Variants in SLC8A1 observed in about 807,000 individuals in gnomAD.
The protein encoded by SLC8A1 is solute carrier family 8 member A1, also known as sodium/calcium exchanger 1.
SLC8A1 carries 18 observed loss-of-function variants against 68.3 expected under a neutral mutation model. That is an observed-to-expected ratio of 0.26 (90% CI 0.18 to 0.39). The LOEUF (loss-of-function observed/expected upper bound fraction) is 0.39, where lower values mean the gene tolerates loss of function less well. SLC8A1 is among the 10% of genes least tolerant of loss of function. The pLI, the probability that SLC8A1 is intolerant of heterozygous loss-of-function variation, is 1.00. For synonymous variants in SLC8A1, 475 were observed against 415.5 expected, an observed-to-expected ratio of 1.14 and a Z score of -1.74; for missense variants, 985 against 1,156.7, an observed-to-expected ratio of 0.85 and a Z score of 2.15.
At chr2:40,170,192 A>G in intron 4 of SLC8A1, 89 bp downstream of exon 7, 1 of 1,125,466 alleles carries the variant, frequency 8.9e-7, no homozygotes, top group Non-Finnish European at 1.3e-6. Flanking sequence ...TTTACAGAGG[A>G]GAGGGGCTAA....
rs1192871539 is a variant in SLC8A1, at chr2:40,216,183, T to G, written c.1809-38328A>C. Among the ~76,000 whole-genome samples the G allele has an allele frequency of 6.6e-5, 10 of 152,178 alleles. No homozygotes were observed. In the East Asian group the frequency reaches 1.9e-3, roughly 29 times the overall value. On this transcript the variant is annotated intron_variant, in intron 2 of 7. Coordinates refer to ENST00000406785, the Ensembl canonical transcript of SLC8A1. ...ACCCACCCACCGACAGGCCCTGGTG[T>G]GTGGTGTTCCCCCTCCCTGTGTCCA...
chr2:40,259,298 A>G (rs1469020351), intron 2 of SLC8A1, among the ~76,000 whole-genome samples: 2 of 152,174 alleles, frequency 1.3e-5, no homozygotes, highest in Non-Finnish European at 2.9e-5. Context: ...AGACCTAAAC[A>G]TTTGAGTCTT....
At chr2:40,395,946 GT>G (rs1265396432) in intron 2 of SLC8A1, among the ~76,000 whole-genome samples, 2 of 151,932 alleles carry the variant, frequency 1.3e-5, no homozygotes, top group Non-Finnish European at 2.9e-5. Flanking sequence ...CCTTATAACT[GT>G]TCATACTGTT....
chr2:40,444,610 A>C (rs1046149319), intron 1 of SLC8A1, among the ~76,000 whole-genome samples: 5 of 152,342 alleles, frequency 3.3e-5, no homozygotes, highest in Non-Finnish European at 5.9e-5. Flanking sequence ...AACTATGGTT[A>C]ATGGGACATA....
chr2:40,475,460 C>G (rs1704234924), intron 1 of SLC8A1, among the ~76,000 whole-genome samples: 1 of 152,004 alleles, frequency 6.6e-6, no homozygotes, highest in Non-Finnish European at 1.5e-5. Context: ...ACCCAAAAAA[C>G]TTTTGCTTAT....
intron 1 of SLC8A1, among the ~76,000 whole-genome samples, chr2:40,503,084 G>A (rs778541137): frequency 1.3e-5 from 2 of 152,084 alleles, no homozygotes; most frequent in Middle Eastern, 3.4e-3. Context: ...TTCCATTTAT[G>A]AAAATTCCTT....
chr2:40,450,600 C>T (rs1226649274), intron 1 of SLC8A1, among the ~76,000 whole-genome samples: 1 of 152,164 alleles, frequency 6.6e-6, no homozygotes, highest in Non-Finnish European at 1.5e-5. Context: ...CTGTCTTCAC[C>T]ACATCTGTCA....
intron 2 of SLC8A1, among the ~76,000 whole-genome samples, chr2:40,280,829 C>G (rs941670093): frequency 2.6e-5 from 4 of 152,164 alleles, no homozygotes; most frequent in African/African-American, 4.8e-5. Context: ...CAAAGGTGCT[C>G]TAGGCAGGAA....
At chr2:40,193,469 G>T (rs1029628613) in intron 2 of SLC8A1, among the ~76,000 whole-genome samples, 3 of 152,076 alleles carry the variant, frequency 2.0e-5, no homozygotes, top group African/African-American at 7.2e-5. Flanking sequence ...TCTGTGCTGT[G>T]TGAGCACAGT....
At chr2:40,462,940 C>T (rs1463238351) in intron 1 of SLC8A1, among the ~76,000 whole-genome samples, 3 of 151,948 alleles carry the variant, frequency 2.0e-5, no homozygotes, top group Non-Finnish European at 4.4e-5. Flanking sequence ...TTCATTCACT[C>T]ATTTGTTTAT....
At chr2:40,279,348 T>C (rs1418024308) in intron 2 of SLC8A1, among the ~76,000 whole-genome samples, 5 of 152,218 alleles carry the variant, frequency 3.3e-5, no homozygotes, top group African/African-American at 1.2e-4. Context: ...ATACAGATTT[T>C]TGAAAGAAGC....
exon 8 of SLC8A1, chr2:40,105,512 A>G (rs535288390): frequency 2.6e-5 from 4 of 152,364 alleles, no homozygotes; most frequent in South Asian, 4.1e-4. Context: ...TACTAATGAC[A>G]TGACTTCTAG....
intron 2 of SLC8A1, among the ~76,000 whole-genome samples, chr2:40,253,018 T>TATGTATATACATATATATGTATCTGTAG (rs1558966653): frequency 3.2e-4 from 31 of 98,232 alleles, no homozygotes; most frequent in African/African-American, 9.2e-4. Flanking sequence ...TGTATCTGTA[T>TATGTATATACATATATATGTATCTGTAG]ATATGTATAT....
chr2:40,199,491 A>T (rs1171873717), intron 2 of SLC8A1, among the ~76,000 whole-genome samples: 1 of 151,518 alleles, frequency 6.6e-6, no homozygotes, highest in Non-Finnish European at 1.5e-5. Flanking sequence ...AACCAATAGG[A>T]TTTATTTTCT....
intron 1 of SLC8A1, among the ~76,000 whole-genome samples, chr2:40,449,978 G>A (rs1047551636): frequency 5.9e-5 from 9 of 152,188 alleles, no homozygotes; most frequent in African/African-American, 1.4e-4. Context: ...CTAAAGAGCC[G>A]TGAGATCCAA....
chr2:40,135,096 G>C (rs1453917312), intron 7 of SLC8A1, among the ~76,000 whole-genome samples: 1 of 151,936 alleles, frequency 6.6e-6, no homozygotes, highest in African/African-American at 2.4e-5. Flanking sequence ...TTGGTGTGTG[G>C]ATAGAAAAAA....
chr2:40,292,699 C>G (rs1378170293), intron 2 of SLC8A1, among the ~76,000 whole-genome samples: 1 of 152,156 alleles, frequency 6.6e-6, no homozygotes, highest in Non-Finnish European at 1.5e-5. Flanking sequence ...AATGGTTCCC[C>G]TCTCAACACA....
chr2:40,389,107 G>GTT (rs893968784), intron 2 of SLC8A1, among the ~76,000 whole-genome samples: 11 of 152,150 alleles, frequency 7.2e-5, no homozygotes, highest in Non-Finnish European at 1.5e-4. Flanking sequence ...GAGTGTGTGT[G>GTT]TGTAAATAAA....
At chr2:40,327,685 T>C (rs1044655483) in intron 2 of SLC8A1, among the ~76,000 whole-genome samples, 3 of 152,148 alleles carry the variant, frequency 2.0e-5, no homozygotes, top group Non-Finnish European at 4.4e-5. Context: ...TGTTATCACA[T>C]ATAACTAGGA....
Sources: allele counts gnomAD v4.1 joint callset (sites outside exome capture counted in the v4.1 genomes callset), GRCh38; gene constraint gnomAD v4.1.1; transcripts MANE v1.5; gene names NCBI Gene and HGNC (gene_info 2026-07-23, HGNC 2026-07-21).